The following MOGAT1 variants were observed in gnomAD, a reference collection of about 807,000 sequenced individuals.
MOGAT1 encodes the protein monoacylglycerol O-acyltransferase 1.
In MOGAT1, 32 loss-of-function variants were observed where a neutral mutation model predicts 31.4. That is an observed-to-expected ratio of 1.02 (90% CI 0.77 to 1.37). The LOEUF is 1.37. MOGAT1 is among the 40% of genes most tolerant of loss of function. MOGAT1 has a pLI of 0.00. For synonymous variants in MOGAT1, 145 were observed against 144.5 expected, an observed-to-expected ratio of 1.00 and a Z score of -0.03; for missense variants, 426 against 402.0, an observed-to-expected ratio of 1.06 and a Z score of -0.51.
At chr2:222,673,771 G>T (rs1409553302) in intron 1 of MOGAT1, among the ~76,000 whole-genome samples, 2 of 152,128 alleles carry the variant, frequency 1.3e-5, no homozygotes, top group Non-Finnish European at 2.9e-5. Flanking sequence ...ACTTATCATT[G>T]CTTGTATCTG....
chr2:222,708,453 A>C (rs185331944), intron 5 of MOGAT1, among the ~76,000 whole-genome samples: 1 of 152,350 alleles, frequency 6.6e-6, no homozygotes, highest in African/African-American at 2.4e-5. Flanking sequence ...CGAGTGCAAG[A>C]GCCAAAGCCA....
rs765281910 is a variant in MOGAT1, at chr2:222,709,870, G to A, written c.988G>A (p.Glu330Lys). The A allele has an allele frequency of 1.6e-5, 26 of 1,604,584 alleles. No homozygotes were observed. In the South Asian group the frequency reaches 2.3e-4, roughly 14 times the overall value. Residue 330 changes from glutamate (E) to lysine (K), a missense_variant, in exon 6 of 6, where the codon GAG becomes AAG. Coordinates refer to ENST00000446656, the MANE Select transcript of MOGAT1 (RefSeq NM_058165.3). ...AGGAAAGTATGGCATTCCAGAGCACGAGACTCTTGTTTTAAAATGACTTGA... is the reference window on the plus strand; with the variant it reads ...AGGAAAGTATGGCATTCCAGAGCACAAGACTCTTGTTTTAAAATGACTTGA... ...HKGKYGIPEH[E>K]TLVLK
At chr2:222,674,725 T>G (rs1373664565) in intron 1 of MOGAT1, among the ~76,000 whole-genome samples, 1 of 152,256 alleles carries the variant, frequency 6.6e-6, no homozygotes, top group African/African-American at 2.4e-5. Flanking sequence ...GTATTTTGTG[T>G]GTAACCATAG....
intron 1 of MOGAT1, among the ~76,000 whole-genome samples, chr2:222,686,403 T>C (rs1692669427): frequency 6.6e-6 from 1 of 152,234 alleles, no homozygotes; most frequent in Admixed American, 6.5e-5. Flanking sequence ...AACTATTCTT[T>C]CCCTGCCCTA....
chr2:222,690,213 C>A (rs1395771254), intron 3 of MOGAT1, among the ~76,000 whole-genome samples: 1 of 152,046 alleles, frequency 6.6e-6, no homozygotes, highest in Non-Finnish European at 1.5e-5. Context: ...GGAGATGGTG[C>A]CCCTGCACTT....
intron 5 of MOGAT1, among the ~76,000 whole-genome samples, chr2:222,706,891 A>G (rs529812766): frequency 6.6e-6 from 1 of 152,314 alleles, no homozygotes; most frequent in Admixed American, 6.5e-5. Flanking sequence ...TATCCTATGC[A>G]TGTGAAAATT....
rs768955030 is a variant in MOGAT1, at chr2:222,689,248, A to T, written c.274-17A>T. 1 of 1,588,760 alleles carries T rather than the reference A, an allele frequency of 6.3e-7. No homozygotes were observed. Among genetic ancestry groups the T allele is most frequent in the South Asian group, 1.1e-5 (1 of 87,484 alleles). ...GAAGTTTCTTTTTTTTAAAATCTCA[A>T]TATGAATGTGCTGTAGCTTATCAAA... On this transcript the variant is annotated splice_polypyrimidine_tract_variant and intron_variant, in intron 2 of 5. Coordinates refer to ENST00000446656, the MANE Select transcript of MOGAT1 (RefSeq NM_058165.3).
intron 5 of MOGAT1, among the ~76,000 whole-genome samples, chr2:222,699,700 G>A (rs1236232580): frequency 6.6e-6 from 1 of 151,554 alleles, no homozygotes; most frequent in Non-Finnish European, 1.5e-5. Context: ...GAGTTTCACT[G>A]TGTTAGCCAG....
intron 5 of MOGAT1, among the ~76,000 whole-genome samples, chr2:222,704,866 A>C (rs969564020): frequency 6.6e-6 from 1 of 152,104 alleles, no homozygotes. Flanking sequence ...GTTGGGCCTA[A>C]GGGATTAGGG....
intron 5 of MOGAT1, among the ~76,000 whole-genome samples, chr2:222,704,121 G>A (rs537620610): frequency 5.3e-5 from 8 of 152,314 alleles, no homozygotes; most frequent in East Asian, 1.9e-4. Context: ...ACAAGTAGGC[G>A]TTGGCAGCTT....
chr2:222,684,261 G>A (rs1692628468), intron 1 of MOGAT1, among the ~76,000 whole-genome samples: 1 of 151,834 alleles, frequency 6.6e-6, no homozygotes, highest in African/African-American at 2.4e-5. Flanking sequence ...AAAATTAGCT[G>A]GGCATGGTAG....
intron 5 of MOGAT1, among the ~76,000 whole-genome samples, chr2:222,701,336 G>T (rs1322915883): frequency 7.1e-6 from 1 of 140,748 alleles, no homozygotes; most frequent in Non-Finnish European, 1.5e-5. Flanking sequence ...GAGATAAAAG[G>T]AATTAAAGAG....
chr2:222,681,340 G>A (rs1692578215), intron 1 of MOGAT1, among the ~76,000 whole-genome samples: 1 of 152,122 alleles, frequency 6.6e-6, no homozygotes, highest in Non-Finnish European at 1.5e-5. Flanking sequence ...CCTCCTCCTT[G>A]GACTCTGTCA....
intron 1 of MOGAT1, among the ~76,000 whole-genome samples, chr2:222,678,766 C>A (rs544923023): frequency 6.6e-6 from 1 of 152,134 alleles, no homozygotes; most frequent in Non-Finnish European, 1.5e-5. Context: ...CATGGGGACA[C>A]CCTGCCTCTA....
intron 1 of MOGAT1, among the ~76,000 whole-genome samples, chr2:222,679,077 C>T (rs868280854): frequency 1.3e-5 from 2 of 152,156 alleles, no homozygotes; most frequent in Admixed American, 6.5e-5. Context: ...GTGTGTGGTA[C>T]AGTGTCTAAA....
intron 5 of MOGAT1, among the ~76,000 whole-genome samples, chr2:222,701,989 G>A (rs1021403684): frequency 3.9e-5 from 6 of 152,220 alleles, no homozygotes; most frequent in Admixed American, 3.3e-4. Flanking sequence ...TGATACATGG[G>A]AAGGCAGTCT....
At chr2:222,692,934 C>T (rs959270615) in intron 3 of MOGAT1, among the ~76,000 whole-genome samples, 22 of 152,266 alleles carry the variant, frequency 1.4e-4, no homozygotes, top group African/African-American at 5.3e-4. Context: ...GTCTTGACCT[C>T]AGTGAAGGTT....
rs1692723546 is a variant in MOGAT1 at position 222,689,274 on chromosome 2, A to C, written c.283A>C (p.Thr95Pro). 2 of 1,612,952 alleles carry C rather than the reference A, an allele frequency of 1.2e-6. No individual in the cohort carries two copies. Among genetic ancestry groups the C allele is most frequent in the East Asian group, 4.5e-5 (2 of 44,878 alleles). The change falls in exon 3 of 6, where the codon ACT becomes CCT. Residue 95 changes from threonine to proline, a missense_variant. By Grantham distance (38) the Thr-to-Pro change is conservative. Coordinates refer to ENST00000446656, the MANE Select transcript of MOGAT1 (RefSeq NM_058165.3). ...KDYFPIHLIK[T>P]QDLDPSHNYI... ...TATGAATGTGCTGTAGCTTATCAAA[A>C]CTCAAGATTTGGATCCAAGTCACAA...
Position 222,671,747 on chromosome 2 carries a change from AG to A in MOGAT1, c.-37del. The A allele has an allele frequency of 6.6e-7, 1 of 1,507,970 alleles. No individual in the cohort carries two copies. Among genetic ancestry groups the A allele is most frequent in the Admixed American group, 2.0e-5 (1 of 50,854 alleles). 93.4% of individuals were successfully genotyped at this position (1,507,970 alleles called of 1,614,324 possible). On this transcript the variant is annotated 5_prime_UTR_variant, in exon 1 of 6. Transcript: ENST00000446656. ...AGGCGCCGCAGAGCAGCGTGGGTGC[AG>A]GCTGCAGTGGCTGGCGCCGTCCTCG...
Sources: allele counts gnomAD v4.1 joint callset (sites outside exome capture counted in the v4.1 genomes callset), GRCh38; gene constraint gnomAD v4.1.1; transcripts MANE v1.5; gene names NCBI Gene and HGNC (gene_info 2026-07-23, HGNC 2026-07-21).